Variants in ARL15 observed in about 807,000 individuals in gnomAD.
ARL15 encodes the protein ARF like GTPase 15.
ARL15 carries 19 observed loss-of-function variants against 25.2 expected under a neutral mutation model. The observed-to-expected ratio is 0.75, with a 90% CI of 0.53 to 1.10. The LOEUF is 1.10. ARL15 is among the 50% of genes least tolerant of loss of function. The probability of loss-of-function intolerance (pLI) is 0.00; values close to 1 mark genes in which losing one functional copy is unlikely to be tolerated. For missense variants in ARL15, 220 were observed against 246.0 expected (o/e 0.89, Z 0.71); for synonymous variants, 94 against 86.8 (o/e 1.08, Z -0.46).
intron 4 of ARL15, among the ~76,000 whole-genome samples, chr5:53,902,239 C>G (rs1157046447): frequency 2.0e-5 from 3 of 152,190 alleles, no homozygotes; most frequent in Non-Finnish European, 2.9e-5. Flanking sequence ...CGATTGCTAC[C>G]TGATCAGACA....
At chr5:53,991,563 G>GAAAAAAAAAAAAAAAAAA (rs771075344) in intron 4 of ARL15, among the ~76,000 whole-genome samples, 1 of 127,928 alleles carries the variant, frequency 7.8e-6, no homozygotes, top group African/African-American at 2.9e-5. Flanking sequence ...AAAAAAAAAG[G>GAAAAAAAAAAAAAAAAAA]GGGGGCGGGG....
chr5:53,986,234 T>C (rs1748292341), intron 4 of ARL15, among the ~76,000 whole-genome samples: 1 of 152,236 alleles, frequency 6.6e-6, no homozygotes, highest in Admixed American at 6.5e-5. Context: ...CAAGTGATCA[T>C]GACTTCAACT....
chr5:54,198,961 G>A (rs1755635340), intron 1 of ARL15, among the ~76,000 whole-genome samples: 1 of 151,930 alleles, frequency 6.6e-6, no homozygotes, highest in African/African-American at 2.4e-5. Context: ...ATAGATCAAT[G>A]GAACAGAACA....
intron 1 of ARL15, among the ~76,000 whole-genome samples, chr5:54,217,118 G>A (rs774495069): frequency 1.5e-4 from 23 of 151,252 alleles, no homozygotes; most frequent in Non-Finnish European, 3.2e-4. Context: ...CGATTTAAAA[G>A]GAAGATTTAT....
chr5:54,259,243 C>T (rs1164609120), intron 1 of ARL15, among the ~76,000 whole-genome samples: 2 of 152,132 alleles, frequency 1.3e-5, no homozygotes, highest in Non-Finnish European at 2.9e-5. Context: ...CACACATACT[C>T]ATATATGCAC....
intron 4 of ARL15, among the ~76,000 whole-genome samples, chr5:53,963,200 G>A (rs867716104): frequency 5.9e-5 from 9 of 152,274 alleles, no homozygotes; most frequent in Middle Eastern, 3.4e-3. Context: ...AACAATGAAC[G>A]TGTTATCTCC....
intron 4 of ARL15, among the ~76,000 whole-genome samples, chr5:53,951,764 T>C (rs1017218569): frequency 3.3e-5 from 5 of 152,078 alleles, no homozygotes; most frequent in African/African-American, 9.7e-5. Context: ...TTATGCTTTA[T>C]GCTTTAAAAT....
chr5:54,303,020 C>A lies in ARL15; in HGVS notation c.48+7412G>T, dbSNP rs541650540. ...GGAAATTCCCACTTCTTGTCACCTACAATAGTTATGAGACCTTCCCTAACA... is the reference window on the plus strand; with the variant it reads ...GGAAATTCCCACTTCTTGTCACCTAAAATAGTTATGAGACCTTCCCTAACA... On this transcript the variant is annotated intron_variant, in intron 1 of 4. Transcript: ENST00000504924. Among the ~76,000 whole-genome samples the A allele has an allele frequency of 4.3e-4, 66 of 152,210 alleles. 1 individual carries two copies. The South Asian group carries it at 6.8e-3, about 16-fold the overall frequency.
chr5:54,108,195 G>A (rs2112201819), intron 4 of ARL15, among the ~76,000 whole-genome samples: 1 of 152,206 alleles, frequency 6.6e-6, no homozygotes, highest in African/African-American at 2.4e-5. Flanking sequence ...ATTTTCAAGA[G>A]ATAGCTGAGT....
chr5:53,909,260 G>A (rs1471118234), intron 4 of ARL15, among the ~76,000 whole-genome samples: 1 of 152,164 alleles, frequency 6.6e-6, no homozygotes, highest in East Asian at 1.9e-4. Context: ...AGGTATGGAA[G>A]AAGCCACATC....
intron 4 of ARL15, among the ~76,000 whole-genome samples, chr5:54,008,248 T>C: frequency 6.6e-6 from 1 of 151,996 alleles, no homozygotes; most frequent in South Asian, 2.1e-4. Context: ...TGAGAAAAGG[T>C]ATCTAGGGAA....
intron 4 of ARL15, among the ~76,000 whole-genome samples, chr5:53,946,762 G>GGA (rs1290996029): frequency 6.6e-6 from 1 of 152,116 alleles, no homozygotes; most frequent in Non-Finnish European, 1.5e-5. Context: ...AGCCCAGGGA[G>GGA]GAGATGGAAA....
intron 1 of ARL15, chr5:54,285,253 G>T: frequency 2.0e-6 from 1 of 509,256 alleles, no homozygotes; most frequent in Non-Finnish European, 2.5e-6. Flanking sequence ...AGACAGATTG[G>T]TTACAATCTG....
chr5:54,105,337 T>C (rs545020186), intron 4 of ARL15, among the ~76,000 whole-genome samples: 1 of 152,014 alleles, frequency 6.6e-6, no homozygotes, highest in Non-Finnish European at 1.5e-5. Context: ...TAAAATATAA[T>C]ATTAACATAC....
intron 4 of ARL15, among the ~76,000 whole-genome samples, chr5:54,076,199 G>A (rs1237460684): frequency 6.6e-6 from 1 of 151,942 alleles, no homozygotes; most frequent in Admixed American, 6.6e-5. Flanking sequence ...GGTGGATCAC[G>A]AGGTCAGGAG....
intron 4 of ARL15, among the ~76,000 whole-genome samples, chr5:54,024,609 G>A (rs2111857106): frequency 6.6e-6 from 1 of 152,178 alleles, no homozygotes; most frequent in East Asian, 1.9e-4. Context: ...AAGCCTATGA[G>A]TTACTTTGCA....
intron 4 of ARL15, among the ~76,000 whole-genome samples, chr5:53,979,323 A>G (rs1748043981): frequency 6.6e-6 from 1 of 152,148 alleles, no homozygotes; most frequent in African/African-American, 2.4e-5. Context: ...GCTTGAGCTC[A>G]GGAGTTTGAG....
At chr5:54,030,146 G>A (rs1283569265) in intron 4 of ARL15, among the ~76,000 whole-genome samples, 1 of 152,140 alleles carries the variant, frequency 6.6e-6, no homozygotes, top group Non-Finnish European at 1.5e-5. Flanking sequence ...CTGTATTCCA[G>A]TCTGGGCAAC....
intron 1 of ARL15, among the ~76,000 whole-genome samples, chr5:54,211,156 T>C (rs1016104091): frequency 1.3e-5 from 2 of 152,190 alleles, no homozygotes; most frequent in South Asian, 4.1e-4. Flanking sequence ...CAAATCAAGT[T>C]AGTGGTTTGT....
Sources: allele counts gnomAD v4.1 joint callset (sites outside exome capture counted in the v4.1 genomes callset), GRCh38; gene constraint gnomAD v4.1.1; transcripts MANE v1.5; gene names NCBI Gene and HGNC (gene_info 2026-07-23, HGNC 2026-07-21).